Variants in FAM120B observed in about 807,000 individuals in gnomAD.
FAM120B encodes the protein family with sequence similarity 120 member B, also known as constitutive coactivator of peroxisome proliferator-activated receptor gamma.
In FAM120B, 83 loss-of-function variants were observed where a neutral mutation model predicts 96.3. The ratio of observed to expected loss-of-function variants is 0.86; its 90% CI spans 0.72 to 1.03. The LOEUF (loss-of-function observed/expected upper bound fraction) is 1.03, where lower values mean the gene tolerates loss of function less well. Among genes scored for constraint, FAM120B ranks in the 50% least tolerant of loss-of-function variants. The probability of loss-of-function intolerance (pLI) is 0.00; values close to 1 mark genes in which losing one functional copy is unlikely to be tolerated. For missense variants in FAM120B, 1,027 were observed against 1,121.2 expected (o/e 0.92, Z 1.20); for synonymous variants, 407 against 402.7 (o/e 1.01, Z -0.13).
At chr6:170,396,572 A>G (rs1398985278) in intron 9 of FAM120B, among the ~76,000 whole-genome samples, 3 of 152,212 alleles carry the variant, frequency 2.0e-5, no homozygotes, top group African/African-American at 7.2e-5. Flanking sequence ...CTTAACCTGC[A>G]GAAACTCAAC....
chr6:170,372,045 TTAAAGAGTTTATCC>T (rs1789229691), intron 6 of FAM120B, among the ~76,000 whole-genome samples: 2 of 152,352 alleles, frequency 1.3e-5, no homozygotes, highest in South Asian at 4.1e-4. Flanking sequence ...TCAGTTATTT[TTAAAGAGTTTATCC>T]TACTGATATG....
chr6:170,336,559 T>C (rs1368777206), intron 4 of FAM120B, among the ~76,000 whole-genome samples: 5 of 152,236 alleles, frequency 3.3e-5, no homozygotes, highest in African/African-American at 1.2e-4. Flanking sequence ...TTTTTTCTAA[T>C]TCTATGAAGA....
intron 5 of FAM120B, among the ~76,000 whole-genome samples, chr6:170,355,259 A>G (rs1787830445): frequency 6.6e-6 from 1 of 152,218 alleles, no homozygotes; most frequent in Non-Finnish European, 1.5e-5. Context: ...GTAAAGATAC[A>G]TGCATGAGTA....
In FAM120B at chr6:170,387,510, C is replaced by T. The variant is rs142421789; in HGVS notation, c.2284-777C>T. ...CACTTTCCATGGGGCCAGTGTCAGC[C>T]AGGAGGTAGAGAGTATCTCATGCAG... On this transcript the variant is annotated intron_variant, in intron 6 of 10. Transcript: ENST00000476287. Among the ~76,000 whole-genome samples the T allele has an allele frequency of 9.7e-4, 148 of 152,318 alleles. 1 individual carries two copies. The highest frequency in any genetic ancestry group is 3.1e-3 in the African/African-American group (128 of 41,572).
At chr6:170,300,696 G>A (rs944266879) in intron 1 of FAM120B, among the ~76,000 whole-genome samples, 33 of 152,176 alleles carry the variant, frequency 2.2e-4, no homozygotes, top group Admixed American at 1.7e-3. Flanking sequence ...AAATACACCC[G>A]TTCCAAATAG....
intron 5 of FAM120B, among the ~76,000 whole-genome samples, chr6:170,350,009 G>A (rs1009065181): frequency 1.6e-4 from 25 of 152,274 alleles, no homozygotes; most frequent in African/African-American, 5.5e-4. Flanking sequence ...TGCAACCCAT[G>A]TATCAGATCC....
chr6:170,301,569 T>G (rs1784142793), intron 1 of FAM120B, among the ~76,000 whole-genome samples: 1 of 152,256 alleles, frequency 6.6e-6, no homozygotes, highest in African/African-American at 2.4e-5. Context: ...TTTTAATCTA[T>G]TGCATTGCCA....
upstream of FAM120B, among the ~76,000 whole-genome samples, chr6:170,305,568 G>T (rs1161658808): frequency 1.3e-5 from 2 of 152,206 alleles, no homozygotes; most frequent in Non-Finnish European, 2.9e-5. Context: ...TTTCCTGATG[G>T]AAGACTCATT....
chr6:170,328,298 C>T lies in FAM120B; in HGVS notation c.1916-2151C>T, dbSNP rs767405428. Reference sequence around the variant, plus strand: ...AACTTCTTTGTTAAAAGCTCAGACACAAGCACGCACATTAGTCTAGGACTC... The same window carrying T: ...AACTTCTTTGTTAAAAGCTCAGACATAAGCACGCACATTAGTCTAGGACTC... On this transcript the variant is annotated intron_variant, in intron 3 of 10. Transcript: ENST00000476287. Among the ~76,000 whole-genome samples the T allele has an allele frequency of 2.0e-5, 3 of 152,292 alleles. No homozygotes were observed. The East Asian group carries it at 5.8e-4, about 29-fold the overall frequency.
intron 9 of FAM120B, among the ~76,000 whole-genome samples, chr6:170,400,358 G>A (rs994551399): frequency 8.5e-5 from 13 of 152,254 alleles, no homozygotes; most frequent in African/African-American, 3.1e-4. Context: ...ATCCTGCCCT[G>A]ATCTCAGAAG....
At chr6:170,397,986 G>A (rs1388995807) in intron 9 of FAM120B, among the ~76,000 whole-genome samples, 3 of 152,230 alleles carry the variant, frequency 2.0e-5, no homozygotes, top group Admixed American at 6.5e-5. Flanking sequence ...TCTTTGGCTT[G>A]GGGTTGCCCC....
chr6:170,361,220 A>ACG (rs1439242601), intron 6 of FAM120B, among the ~76,000 whole-genome samples: 11,670 of 109,826 alleles, frequency 0.11, 1,142 homozygotes, highest in East Asian at 0.46. Flanking sequence ...ATATATATAT[A>ACG]TATATATATA....
intron 4 of FAM120B, among the ~76,000 whole-genome samples, chr6:170,342,486 A>G (rs898925737): frequency 6.6e-6 from 1 of 152,232 alleles, no homozygotes; most frequent in African/African-American, 2.4e-5. Context: ...AGCGTCCAGC[A>G]TGCCTTTCAC....
intron 6 of FAM120B, 29 bp from the exon 7 acceptor site, chr6:170,388,258 A>C (rs1335056828): frequency 1.4e-5 from 22 of 1,604,888 alleles, no homozygotes; most frequent in Non-Finnish European, 1.6e-5. Context: ...CCTGTCTTAC[A>C]TTTTTGGTGT....
At chr6:170,336,708 T>C (rs997488019) in intron 4 of FAM120B, among the ~76,000 whole-genome samples, 5 of 152,234 alleles carry the variant, frequency 3.3e-5, no homozygotes, top group Admixed American at 2.0e-4. Flanking sequence ...CTTATTTCCT[T>C]GAGCAGTGGT....
chr6:170,312,266 A>G (rs962285201), intron 1 of FAM120B, among the ~76,000 whole-genome samples: 1 of 152,172 alleles, frequency 6.6e-6, no homozygotes, highest in Non-Finnish European at 1.5e-5. Flanking sequence ...ATTTTTTTAC[A>G]AATTAATATA....
At chr6:170,322,373 A>G (rs1014880344) in intron 2 of FAM120B, among the ~76,000 whole-genome samples, 11 of 152,212 alleles carry the variant, frequency 7.2e-5, no homozygotes, top group African/African-American at 2.4e-4. Flanking sequence ...GGTCCTGTCT[A>G]AGGGAGGAGG....
At chr6:170,340,404 A>G (rs1313245670) in intron 4 of FAM120B, among the ~76,000 whole-genome samples, 1 of 152,114 alleles carries the variant, frequency 6.6e-6, no homozygotes, top group East Asian at 1.9e-4. Flanking sequence ...GTGTTTATCA[A>G]GGTTCTTAGC....
chr6:170,343,032 A>G (rs776474903), intron 4 of FAM120B, among the ~76,000 whole-genome samples: 44 of 152,178 alleles, frequency 2.9e-4, no homozygotes, highest in Admixed American at 8.5e-4. Flanking sequence ...TTAAACTGAA[A>G]TTACTTATTA....
Sources: allele counts gnomAD v4.1 joint callset (sites outside exome capture counted in the v4.1 genomes callset), GRCh38; gene constraint gnomAD v4.1.1; transcripts MANE v1.5; gene names NCBI Gene and HGNC (gene_info 2026-07-23, HGNC 2026-07-21).